SH3RF3: variants seen among roughly 807,000 people sequenced by gnomAD.
SH3RF3 encodes SH3 domain containing ring finger 3.
A neutral mutation model predicts 66.3 loss-of-function variants in SH3RF3; 29 were observed. The ratio of observed to expected loss-of-function variants is 0.44; its 90% CI spans 0.33 to 0.60. The LOEUF is 0.60. Among genes scored for constraint, SH3RF3 ranks in the 20% least tolerant of loss-of-function variants. SH3RF3 has a pLI of 0.04. For missense variants in SH3RF3, 1,194 were observed against 1,190.9 expected (o/e 1.00, Z -0.04); for synonymous variants, 583 against 532.0 (o/e 1.10, Z -1.32).
At chr2:109,152,234 C>T (rs1574476460) in intron 1 of SH3RF3, among the ~76,000 whole-genome samples, 1 of 152,162 alleles carries the variant, frequency 6.6e-6, no homozygotes. Flanking sequence ...GTTCATTTTC[C>T]GAGGTGACAG....
At chr2:109,222,973 A>G (rs575509818) in intron 1 of SH3RF3, among the ~76,000 whole-genome samples, 4 of 152,292 alleles carry the variant, frequency 2.6e-5, no homozygotes, top group Admixed American at 2.6e-4. Context: ...CTCTCCCATC[A>G]ACAGGGTCTG....
At chr2:109,280,663 C>T (rs374688640) in intron 1 of SH3RF3, among the ~76,000 whole-genome samples, 6 of 152,312 alleles carry the variant, frequency 3.9e-5, no homozygotes, top group East Asian at 1.9e-4. Flanking sequence ...TGAGAGCATT[C>T]GGGTAATGTA....
At chr2:109,418,360 A>T (rs1479746494) in intron 4 of SH3RF3, among the ~76,000 whole-genome samples, 3 of 152,162 alleles carry the variant, frequency 2.0e-5, no homozygotes, top group Non-Finnish European at 4.4e-5. Flanking sequence ...AGCAACAGAA[A>T]GCTGTTCTCT....
chr2:109,252,283 A>G (rs1306085608), intron 1 of SH3RF3, among the ~76,000 whole-genome samples: 1 of 152,126 alleles, frequency 6.6e-6, no homozygotes, highest in Non-Finnish European at 1.5e-5. Context: ...CAACATTATA[A>G]TTTAAAAAGA....
chr2:109,484,138 G>GGC (rs1407800064), intron 8 of SH3RF3, among the ~76,000 whole-genome samples: 1 of 145,112 alleles, frequency 6.9e-6, no homozygotes, highest in Non-Finnish European at 1.5e-5. Context: ...GCGTGATCTT[G>GGC]TCACTGCAAC....
intron 1 of SH3RF3, among the ~76,000 whole-genome samples, chr2:109,136,555 A>C (rs963023559): frequency 1.3e-5 from 2 of 152,140 alleles, no homozygotes; most frequent in African/African-American, 4.8e-5. Flanking sequence ...TGCTTTCTTT[A>C]GGCTCTCCTG....
chr2:109,182,148 A>G (rs1242363019), intron 1 of SH3RF3, among the ~76,000 whole-genome samples: 2 of 152,252 alleles, frequency 1.3e-5, no homozygotes, highest in East Asian at 3.8e-4. Flanking sequence ...GCTATAGAAG[A>G]ATACCACAAA....
At chr2:109,148,150 T>C (rs1677141884) in intron 1 of SH3RF3, among the ~76,000 whole-genome samples, 1 of 152,210 alleles carries the variant, frequency 6.6e-6, no homozygotes, top group Non-Finnish European at 1.5e-5. Flanking sequence ...ATGCACCCAG[T>C]ATGCAGTGTG....
At chr2:109,319,398 G>T (rs1005263285) in intron 1 of SH3RF3, among the ~76,000 whole-genome samples, 1 of 152,298 alleles carries the variant, frequency 6.6e-6, no homozygotes. Context: ...TGGGGTCCCG[G>T]GGATCACCCA....
chr2:109,177,623 G>A (rs1231428342), intron 1 of SH3RF3, among the ~76,000 whole-genome samples: 1 of 152,086 alleles, frequency 6.6e-6, no homozygotes, highest in Non-Finnish European at 1.5e-5. Flanking sequence ...GTGTTGAGGT[G>A]AGGGTGAGGG....
intron 5 of SH3RF3, among the ~76,000 whole-genome samples, chr2:109,425,838 G>A (rs10207608): frequency 0.56 from 84,644 of 152,168 alleles, 23,992 homozygotes; most frequent in African/African-American, 0.65. Flanking sequence ...CTCATGGATC[G>A]AGGATAGTTT....
chr2:109,448,732 A>G (rs1053022557), intron 7 of SH3RF3, among the ~76,000 whole-genome samples: 2 of 152,258 alleles, frequency 1.3e-5, no homozygotes, highest in African/African-American at 4.8e-5. Flanking sequence ...GAAATAAAGT[A>G]CATAACAAAT....
At chr2:109,278,161 A>AAT (rs1368518434) in intron 1 of SH3RF3, among the ~76,000 whole-genome samples, 1 of 149,936 alleles carries the variant, frequency 6.7e-6, no homozygotes, top group Admixed American at 6.7e-5. Flanking sequence ...TGAGTGATAG[A>AAT]GCAAGACCCA....
At chr2:109,225,642 GA>G (rs1411251288) in intron 1 of SH3RF3, among the ~76,000 whole-genome samples, 1 of 152,246 alleles carries the variant, frequency 6.6e-6, no homozygotes, top group African/African-American at 2.4e-5. Context: ...TTTGAATTTA[GA>G]AAATCAAAAG....
chr2:109,264,468 A>G (rs939273558), intron 1 of SH3RF3, among the ~76,000 whole-genome samples: 5 of 152,162 alleles, frequency 3.3e-5, no homozygotes, highest in African/African-American at 7.2e-5. Context: ...CTACCTCCCT[A>G]TATGTCCTGC....
At chr2:109,374,636 C>T (rs1683341990) in intron 3 of SH3RF3, among the ~76,000 whole-genome samples, 1 of 152,192 alleles carries the variant, frequency 6.6e-6, no homozygotes, top group Non-Finnish European at 1.5e-5. Flanking sequence ...TGCTTGTCCC[C>T]TGGTGCAAGA....
intron 4 of SH3RF3, among the ~76,000 whole-genome samples, chr2:109,413,515 T>C (rs1027514753): frequency 1.3e-5 from 2 of 152,226 alleles, no homozygotes; most frequent in African/African-American, 4.8e-5. Context: ...TATCTCTGTC[T>C]GTCTACCTCT....
At chr2:109,254,764 G>A (rs1396491151) in intron 1 of SH3RF3, among the ~76,000 whole-genome samples, 4 of 152,044 alleles carry the variant, frequency 2.6e-5, no homozygotes, top group South Asian at 2.1e-4. Context: ...TTAGTGGCTC[G>A]GGACAGTGCC....
chr2:109,498,939 C>T (rs12614336), intron 9 of SH3RF3, among the ~76,000 whole-genome samples: 2,597 of 152,250 alleles, frequency 0.017, 39 homozygotes, highest in East Asian at 0.083. Context: ...CGCTAGGGCG[C>T]GGCAGGGCAG....
Sources: gnomAD v4.1 joint callset for allele counts (sites outside exome capture counted in the v4.1 genomes callset) on GRCh38, gnomAD v4.1.1 for gene constraint, MANE v1.5 for transcripts, NCBI Gene and HGNC (gene_info 2026-07-23, HGNC 2026-07-21) for gene names.